The following ATL2 variants were observed in gnomAD, a reference collection of about 807,000 sequenced individuals.
ATL2 encodes atlastin-2.
ATL2 carries 31 observed loss-of-function variants against 73.9 expected under a neutral mutation model. The observed-to-expected ratio is 0.42, with a 90% CI of 0.32 to 0.57. ATL2 has a LOEUF of 0.57. Ranked by LOEUF, ATL2 falls within the 20% of genes least tolerant of loss-of-function variation. ATL2 has a pLI of 0.14. For missense variants in ATL2, 738 were observed against 702.6 expected (o/e 1.05, Z -0.57); for synonymous variants, 291 against 237.5 (o/e 1.23, Z -2.07).
chr2:38,300,097 AC>A (rs1289454776), intron 10 of ATL2, among the ~76,000 whole-genome samples, 174 bp downstream of exon 10: 1 of 152,132 alleles, frequency 6.6e-6, no homozygotes, highest in Non-Finnish European at 1.5e-5. Context: ...ATCTGCAGTT[AC>A]AAAAAAAAAA....
At chr2:38,344,035 C>G (rs1254266246) in intron 1 of ATL2, among the ~76,000 whole-genome samples, 1 of 152,104 alleles carries the variant, frequency 6.6e-6, no homozygotes, top group Non-Finnish European at 1.5e-5. Context: ...TTATTACCAG[C>G]ATGAAAATGG....
chr2:38,355,712 T>C (rs1670620681), intron 1 of ATL2, among the ~76,000 whole-genome samples: 1 of 151,196 alleles, frequency 6.6e-6, no homozygotes, highest in African/African-American at 2.4e-5. Flanking sequence ...TCTTTTTTTT[T>C]TTTTTTTCTT....
At chr2:38,364,123 G>A (rs1573582522) in intron 1 of ATL2, among the ~76,000 whole-genome samples, 2 of 152,248 alleles carry the variant, frequency 1.3e-5, no homozygotes, top group Middle Eastern at 6.8e-3. Flanking sequence ...TTACCCGGGC[G>A]TGGTGGCGGA....
intron 2 of ATL2, among the ~76,000 whole-genome samples, chr2:38,326,853 T>C (rs988239932): frequency 9.9e-5 from 15 of 152,024 alleles, no homozygotes; most frequent in African/African-American, 3.6e-4. Context: ...CCAGGCGTGG[T>C]GGCACACACC....
In ATL2 at chr2:38,295,936, C is replaced by A; in HGVS notation, c.*58G>T. 7.3e-7 allele frequency: 1 copy of A among 1,375,694 alleles called. No homozygotes were observed. Among genetic ancestry groups the A allele is most frequent in the Non-Finnish European group, 9.9e-7 (1 of 1,007,802 alleles). The allele number at this position is 1,375,694 out of a possible 1,614,324, so 85.2% of individuals were successfully genotyped here. On this transcript the variant is annotated 3_prime_UTR_variant, in exon 13 of 13. Coordinates refer to ENST00000378954, the MANE Select transcript of ATL2 (RefSeq NM_001135673.4). The stretch of plus-strand genomic sequence containing the variant: ...ACTTTGGTTTATTTTTATTTGAGTT[C>A]TCATTGTACAGCAAGCATGAAAAAA...
chr2:38,370,217 C>T (rs1248452522), intron 1 of ATL2, among the ~76,000 whole-genome samples: 1 of 148,776 alleles, frequency 6.7e-6, no homozygotes, highest in Non-Finnish European at 1.5e-5. Flanking sequence ...GTAATCCCAG[C>T]ACTTTGGGGG....
chr2:38,346,086 C>T (rs1039105048), intron 1 of ATL2, among the ~76,000 whole-genome samples: 7 of 152,236 alleles, frequency 4.6e-5, no homozygotes, highest in Non-Finnish European at 8.8e-5. Context: ...GCCATCCACC[C>T]ATCTGCTCTG....
intron 2 of ATL2, among the ~76,000 whole-genome samples, chr2:38,331,883 G>A: frequency 6.6e-6 from 1 of 151,734 alleles, no homozygotes; most frequent in Non-Finnish European, 1.5e-5. Flanking sequence ...ATATTAATAT[G>A]ATTATAGCAT....
chr2:38,349,483 C>A (rs1262411332), intron 1 of ATL2, among the ~76,000 whole-genome samples: 1 of 126,860 alleles, frequency 7.9e-6, no homozygotes, highest in Non-Finnish European at 1.6e-5. Flanking sequence ...TGAGAACACA[C>A]GGACACAGGA....
intron 1 of ATL2, among the ~76,000 whole-genome samples, chr2:38,371,449 G>A (rs897775978): frequency 1.3e-5 from 2 of 151,524 alleles, no homozygotes; most frequent in Admixed American, 6.6e-5. Context: ...TCAAAACCGC[G>A]GTGATCACGC....
At chr2:38,319,310 A>G (rs1273005792) in intron 2 of ATL2, among the ~76,000 whole-genome samples, 1 of 152,168 alleles carries the variant, frequency 6.6e-6, no homozygotes, top group Non-Finnish European at 1.5e-5. Context: ...TTTCTGAAAG[A>G]TATCCTGGCT....
chr2:38,330,187 T>G (rs1668903053), intron 2 of ATL2, among the ~76,000 whole-genome samples: 1 of 148,520 alleles, frequency 6.7e-6, no homozygotes, highest in African/African-American at 2.5e-5. Flanking sequence ...GGAAAACTAT[T>G]TGACAAAATC....
Position 38,294,492 on chromosome 2 carries a change from G to A in ATL2, c.*1502C>T, listed in dbSNP as rs1030090818. ...GAACCCAGGAGGTGGAGGTTGCAGT[G>A]AGCCAAGATCGCACCACTGCACTCC... On this transcript the variant is annotated 3_prime_UTR_variant, in exon 13 of 13. Coordinates refer to ENST00000378954, the MANE Select transcript of ATL2 (RefSeq NM_001135673.4). Among the ~76,000 whole-genome samples the A allele has an allele frequency of 6.6e-6, 1 of 152,162 alleles. No individual in the cohort carries two copies. The highest frequency in any genetic ancestry group is 1.5e-5 in the Non-Finnish European group (1 of 68,018).
At position 38,364,661 on chromosome 2, in the gene ATL2, T is replaced by C. The variant is rs569283915; in HGVS notation, c.118+12482A>G. Among the ~76,000 whole-genome samples the C allele has an allele frequency of 3.3e-5, 5 of 152,320 alleles. No homozygotes were observed. The South Asian group carries it at 1.0e-3, about 32-fold the overall frequency. The stretch of plus-strand genomic sequence containing the variant: ...CAATGACTCTAAGAGCTCCAAGATT[T>C]TGTAGCACACGGATCAAGAATTAAT... On this transcript the variant is annotated intron_variant, in intron 1 of 12. Transcript: ENST00000378954.
chr2:38,319,767 T>G (rs1668219402), intron 2 of ATL2, among the ~76,000 whole-genome samples: 1 of 152,186 alleles, frequency 6.6e-6, no homozygotes. Context: ...TTTCTCAGAA[T>G]AGCTTACAGT....
chr2:38,338,307 G>A (rs1669491286), intron 2 of ATL2, among the ~76,000 whole-genome samples: 1 of 148,368 alleles, frequency 6.7e-6, no homozygotes, highest in Non-Finnish European at 1.5e-5. Context: ...GAGTACTAGA[G>A]GGGAGAGGGA....
chr2:38,372,566 G>C (rs1057056267), intron 1 of ATL2, among the ~76,000 whole-genome samples: 3 of 152,110 alleles, frequency 2.0e-5, no homozygotes, highest in Non-Finnish European at 4.4e-5. Context: ...TAACTCATAT[G>C]AAATCCTGCA....
intron 1 of ATL2, among the ~76,000 whole-genome samples, chr2:38,355,146 G>A (rs1033967732): frequency 1.3e-5 from 2 of 152,066 alleles, no homozygotes; most frequent in African/African-American, 4.8e-5. Flanking sequence ...TTGTTTTTGA[G>A]ATGGAGTTTC....
intron 2 of ATL2, among the ~76,000 whole-genome samples, chr2:38,321,740 T>A (rs1668332933): frequency 6.6e-6 from 1 of 151,834 alleles, no homozygotes; most frequent in African/African-American, 2.4e-5. Context: ...TGAGACAGGG[T>A]CTCACTCTGT....
Sources: gnomAD v4.1 joint callset for allele counts (sites outside exome capture counted in the v4.1 genomes callset) on GRCh38, gnomAD v4.1.1 for gene constraint, MANE v1.5 for transcripts, NCBI Gene and HGNC (gene_info 2026-07-23, HGNC 2026-07-21) for gene names.